The following DMAC2 variants were observed in gnomAD, a reference collection of about 807,000 sequenced individuals.
The protein encoded by DMAC2 is distal membrane-arm assembly complex protein 2.
Under a neutral mutation model 29.6 loss-of-function variants are expected in DMAC2, and 32 were observed. The observed-to-expected ratio is 1.08, with a 90% confidence interval of 0.81 to 1.45. The LOEUF is 1.45. Among genes scored for constraint, DMAC2 ranks in the 40% most tolerant of loss-of-function variants. The pLI, the probability that DMAC2 is intolerant of heterozygous loss-of-function variation, is 0.00. For synonymous variants in DMAC2, 133 were observed against 137.4 expected, an observed-to-expected ratio of 0.97 and a Z score of 0.23; for missense variants, 319 against 340.0, an observed-to-expected ratio of 0.94 and a Z score of 0.49.
chr19:41,435,242 T>G (rs1231839328), intron 3 of DMAC2, among the ~76,000 whole-genome samples: 4 of 151,884 alleles, frequency 2.6e-5, no homozygotes, highest in Non-Finnish European at 5.9e-5. Flanking sequence ...CCTCTCAAAG[T>G]GCAAAGGCAT....
intron 5 of DMAC2, chr19:41,432,767 G>C: frequency 2.4e-6 from 1 of 416,668 alleles, no homozygotes; most frequent in Non-Finnish European, 4.2e-6. Flanking sequence ...TGTGTAGGGA[G>C]GTACAGGACA....
At chr19:41,432,890 GCATGCGTGCA>G (rs1555769864) in intron 5 of DMAC2, 6 of 524,622 alleles carry the variant, frequency 1.1e-5, no homozygotes, top group African/African-American at 9.8e-5. Context: ...GTGCGTGCGT[GCATGCGTGCA>G]TGTGTGTGTG....
intron 3 of DMAC2, among the ~76,000 whole-genome samples, chr19:41,435,545 C>T (rs1441225159): frequency 1.3e-5 from 2 of 152,110 alleles, no homozygotes; most frequent in African/African-American, 2.4e-5. Flanking sequence ...GCTGCGATTA[C>T]AGGTGTGAGC....
intron 1 of DMAC2, chr19:41,439,217 C>CTTT: frequency 2.7e-6 from 1 of 373,352 alleles, no homozygotes; most frequent in Non-Finnish European, 4.8e-6. Flanking sequence ...TAACCAAATT[C>CTTT]TTTTTTTTTT....
chr19:41,437,251 T>C (rs782287181), intron 2 of DMAC2, among the ~76,000 whole-genome samples: 25 of 150,686 alleles, frequency 1.7e-4, no homozygotes, highest in Non-Finnish European at 2.8e-4. Flanking sequence ...AATAGAAAAA[T>C]TAGGTGTGGT....
chr19:41,439,831 G>A, intron 1 of DMAC2, 51 bp downstream of exon 1: 1 of 1,613,570 alleles, frequency 6.2e-7, no homozygotes, highest in Non-Finnish European at 8.5e-7. Flanking sequence ...TGAATGCGGA[G>A]GCTGTAGAGC....
intron 1 of DMAC2, 123 bp downstream of exon 1, chr19:41,439,759 G>C (rs1182775950): frequency 6.6e-7 from 1 of 1,512,722 alleles, no homozygotes; most frequent in African/African-American, 1.4e-5. Context: ...CCAGTACGGG[G>C]CTTGCCAGGC....
At chr19:41,438,690 C>T (rs565398859) in intron 1 of DMAC2, among the ~76,000 whole-genome samples, 2 of 152,270 alleles carry the variant, frequency 1.3e-5, no homozygotes, top group Non-Finnish European at 2.9e-5. Context: ...AAACCCTTAT[C>T]ACTCAAAACC....
At chr19:41,432,439 G>A (rs2039564514) in intron 5 of DMAC2, 31 bp from the exon 6 acceptor site, 2 of 1,607,308 alleles carry the variant, frequency 1.2e-6, no homozygotes, top group Non-Finnish European at 1.7e-6. Context: ...CAGGAAGCCA[G>A]TGTAAGGACA....
chr19:41,432,533 G>T (rs1281756641), intron 5 of DMAC2, 125 bp from the exon 6 acceptor site: 19 of 857,150 alleles, frequency 2.2e-5, no homozygotes, highest in Non-Finnish European at 3.5e-5. Flanking sequence ...TAAGGACAGC[G>T]TGTGTGTGTA....
rs150121963 is a variant in DMAC2 at position 41,431,640 on chromosome 19, C to T, written c.*591G>A. ...AGGAGGCGCCTTTCCTCCTATAATG[C>T]CTGTTTGGTGCCCTCTACTGACAAA... On this transcript the variant is annotated 3_prime_UTR_variant, in exon 6 of 6. Transcript: ENST00000221943. 3.4e-4 allele frequency: 95 copies of T among 281,606 alleles called. No homozygotes were observed. Among genetic ancestry groups the T allele is most frequent in the Middle Eastern group, 1.3e-3 (1 of 764 alleles). 17.4% of individuals were successfully genotyped at this position (281,606 alleles called of 1,614,324 possible).
Position 41,432,028 on chromosome 19 carries a change from G to T in DMAC2, c.*203C>A. On this transcript the variant is annotated 3_prime_UTR_variant, in exon 6 of 6. Coordinates refer to ENST00000221943, the MANE Select transcript of DMAC2 (RefSeq NM_018035.3). The stretch of plus-strand genomic sequence containing the variant: ...AACAGGGGCATGGAAAGGGCTGCCT[G>T]ACAGGGTGACAGGAGCTGTGACCTT... The T allele has an allele frequency of 1.6e-6, 1 of 621,202 alleles. No homozygotes were observed. The highest frequency in any genetic ancestry group is 2.8e-6 in the Non-Finnish European group (1 of 358,048). The allele number at this position is 621,202 out of a possible 1,614,324, so 38.5% of individuals were successfully genotyped here.
Position 41,436,123 on chromosome 19 carries a change from G to A in DMAC2, c.296+269C>T, listed in dbSNP as rs369190550. 1.4e-4 allele frequency among the ~76,000 whole-genome samples: 22 copies of A among 152,276 alleles called. 1 individual carries two copies. In the East Asian group the frequency reaches 2.5e-3, roughly 17 times the overall value. ...ACTCCTGACCTCAGGTGATCCGCCC[G>A]CCTTGGCCTCCCAAAGCATTGGGAT... On this transcript the variant is annotated intron_variant, in intron 3 of 5. Transcript: ENST00000221943.
chr19:41,439,665 C>A lies in DMAC2; in HGVS notation c.18+217G>T, dbSNP rs970541812. 3.4e-5 allele frequency: 45 copies of A among 1,334,094 alleles called. No individual in the cohort carries two copies. In the East Asian group the frequency reaches 1.1e-3, roughly 34 times the overall value. The allele number at this position is 1,334,094 out of a possible 1,614,324, so 82.6% of individuals were successfully genotyped here. Reference sequence around the variant, plus strand: ...TTGGATACTCTCAGCCAAGTCCCTGCCTCCTCTCGCTCGCTAAAGCGTCTC... The same window carrying A: ...TTGGATACTCTCAGCCAAGTCCCTGACTCCTCTCGCTCGCTAAAGCGTCTC... On this transcript the variant is annotated intron_variant, in intron 1 of 5. Coordinates refer to ENST00000221943, the MANE Select transcript of DMAC2 (RefSeq NM_018035.3).
intron 3 of DMAC2, 109 bp from the exon 4 acceptor site, chr19:41,433,782 A>G (rs569452763): frequency 4.4e-4 from 633 of 1,431,396 alleles, no homozygotes; most frequent in Non-Finnish European, 5.6e-4. Flanking sequence ...CACCCTTGAC[A>G]TAACTAATTC....
chr19:41,435,115 G>C (rs1226601654), intron 3 of DMAC2, among the ~76,000 whole-genome samples: 1 of 152,130 alleles, frequency 6.6e-6, no homozygotes, highest in African/African-American at 2.4e-5. Flanking sequence ...GGGTAGCTGG[G>C]ATTACAGGCA....
intron 1 of DMAC2, 135 bp downstream of exon 1, chr19:41,439,747 T>C: frequency 6.8e-7 from 1 of 1,462,664 alleles, no homozygotes; most frequent in Non-Finnish European, 9.5e-7. Context: ...AGGTTTGCAC[T>C]CCCAGTACGG....
At chr19:41,434,390 C>G (rs1381376034) in intron 3 of DMAC2, among the ~76,000 whole-genome samples, 1 of 130,080 alleles carries the variant, frequency 7.7e-6, no homozygotes, top group Non-Finnish European at 1.6e-5. Flanking sequence ...CCTGGGAGAC[C>G]CTATCTCAAA....
At chr19:41,435,869 CTTT>C (rs782272339) in intron 3 of DMAC2, among the ~76,000 whole-genome samples, 1 of 142,170 alleles carries the variant, frequency 7.0e-6, no homozygotes, top group Non-Finnish European at 1.5e-5. Context: ...TCCGTTCAGT[CTTT>C]TTTTTTTTTT....
Sources: allele counts gnomAD v4.1 joint callset (sites outside exome capture counted in the v4.1 genomes callset), GRCh38; gene constraint gnomAD v4.1.1; transcripts MANE v1.5; gene names NCBI Gene and HGNC (gene_info 2026-07-23, HGNC 2026-07-21).